Variants in RCAN1 observed in about 807,000 individuals in gnomAD.
The protein encoded by RCAN1 is regulator of calcineurin 1.
A neutral mutation model predicts 22.9 loss-of-function variants in RCAN1; 11 were observed. The ratio of observed to expected loss-of-function variants is 0.48; its 90% CI spans 0.30 to 0.79. The LOEUF is 0.79. Ranked by LOEUF, RCAN1 falls within the 30% of genes least tolerant of loss-of-function variation. The pLI, the probability that RCAN1 is intolerant of heterozygous loss-of-function variation, is 0.06. For missense variants in RCAN1, 291 were observed against 337.8 expected, an observed-to-expected ratio of 0.86 and a Z score of 1.09; for synonymous variants, 136 against 142.3, an observed-to-expected ratio of 0.96 and a Z score of 0.32.
rs1429256071 is a variant in RCAN1 at position 34,531,971 on chromosome 21, C to G, written c.253-8261G>C. 3.3e-5 allele frequency among the ~76,000 whole-genome samples: 5 copies of G among 152,046 alleles called. No individual in the cohort carries two copies. The East Asian group carries it at 9.6e-4, about 29-fold the overall frequency. On this transcript the variant is annotated intron_variant, in intron 1 of 3. Transcript: ENST00000313806. ...CAAGGCAGACTTTATTCAGGACCAC[C>G]ACGATGGGTATAGAGACCACCACAA...
chr21:34,535,849 G>A (rs1985641640), intron 1 of RCAN1, among the ~76,000 whole-genome samples: 1 of 149,474 alleles, frequency 6.7e-6, no homozygotes, highest in Admixed American at 6.6e-5. Context: ...TTAGCAGAAT[G>A]GTGATCATGA....
At chr21:34,544,740 A>G (rs557809597) in intron 1 of RCAN1, among the ~76,000 whole-genome samples, 7 of 152,304 alleles carry the variant, frequency 4.6e-5, no homozygotes, top group African/African-American at 9.6e-5. Context: ...CTGGTCCCCA[A>G]GATAGAAAGT....
At chr21:34,575,318 C>T (rs1987376929) in intron 1 of RCAN1, among the ~76,000 whole-genome samples, 1 of 152,138 alleles carries the variant, frequency 6.6e-6, no homozygotes, top group Non-Finnish European at 1.5e-5. Context: ...GCAGCATTTC[C>T]CACTTCCCTC....
At chr21:34,610,621 T>C (rs1156392309) in intron 1 of RCAN1, among the ~76,000 whole-genome samples, 1 of 152,220 alleles carries the variant, frequency 6.6e-6, no homozygotes, top group Non-Finnish European at 1.5e-5. Flanking sequence ...CAGACAATGG[T>C]TCCCAACCTC....
intron 1 of RCAN1, among the ~76,000 whole-genome samples, chr21:34,603,479 G>A (rs765713750): frequency 2.0e-5 from 3 of 152,118 alleles, no homozygotes; most frequent in Non-Finnish European, 2.9e-5. Context: ...AAAACCAGCA[G>A]GCTGCAAGAA....
At chr21:34,580,902 C>G (rs1296967980) in intron 1 of RCAN1, among the ~76,000 whole-genome samples, 1 of 152,128 alleles carries the variant, frequency 6.6e-6, no homozygotes, top group Non-Finnish European at 1.5e-5. Flanking sequence ...TGCTGTAAAT[C>G]AAGGCAAAGC....
chr21:34,591,280 G>A (rs1987965249), intron 1 of RCAN1, among the ~76,000 whole-genome samples: 1 of 152,194 alleles, frequency 6.6e-6, no homozygotes, highest in South Asian at 2.1e-4. Flanking sequence ...ACAACACAGT[G>A]TGCCCTCTGG....
intron 1 of RCAN1, among the ~76,000 whole-genome samples, chr21:34,594,395 T>C (rs962596769): frequency 6.6e-6 from 1 of 152,024 alleles, no homozygotes; most frequent in African/African-American, 2.4e-5. Context: ...CTACTAAAAA[T>C]ACAAGCATTA....
intron 3 of RCAN1, 76 bp downstream of exon 3, chr21:34,521,423 T>C (rs189755745): frequency 6.2e-7 from 1 of 1,608,182 alleles, no homozygotes; most frequent in Middle Eastern, 1.7e-4. Flanking sequence ...ACGGGGGTAG[T>C]GGTGGTACTG....
At chr21:34,525,660 T>C in intron 1 of RCAN1, 1 of 290,324 alleles carries the variant, frequency 3.4e-6, no homozygotes, top group Non-Finnish European at 6.3e-6. Flanking sequence ...TCTAGATTAC[T>C]ATGATGCCTT....
intron 1 of RCAN1, among the ~76,000 whole-genome samples, chr21:34,597,995 G>A (rs964609197): frequency 6.6e-6 from 1 of 152,002 alleles, no homozygotes; most frequent in Non-Finnish European, 1.5e-5. Context: ...AATAGATAGG[G>A]TCTATATAAA....
chr21:34,548,452 T>C (rs1448426499), intron 1 of RCAN1, among the ~76,000 whole-genome samples: 1 of 152,132 alleles, frequency 6.6e-6, no homozygotes, highest in Non-Finnish European at 1.5e-5. Flanking sequence ...CAGTGTCCTC[T>C]CAAACTGAGA....
rs1344056286 is a variant in RCAN1, at chr21:34,518,391, C to A, written c.587-135G>T. On this transcript the variant is annotated intron_variant, in intron 3 of 3. Transcript: ENST00000313806. The surrounding 1 kb of genome is among the most constrained non-coding windows in gnomAD (Gnocchi z 4.2). ...GATTGGGCTGAGAGACACAGCCAGA[C>A]ATATTTTGGGTTTGTATTTCTTTGC... is the stretch of plus-strand genomic sequence containing the variant. 4.5e-6 allele frequency: 4 copies of A among 895,084 alleles called. No individual in the cohort carries two copies. In the East Asian group the frequency reaches 1.1e-4, roughly 24 times the overall value. 55.4% of individuals were successfully genotyped at this position (895,084 alleles called of 1,614,324 possible).
At chr21:34,531,138 G>C (rs1193234588) in intron 1 of RCAN1, among the ~76,000 whole-genome samples, 2 of 152,248 alleles carry the variant, frequency 1.3e-5, no homozygotes, top group African/African-American at 4.8e-5. Flanking sequence ...TTCATCTAGT[G>C]ATGGTGGCAA....
intron 1 of RCAN1, among the ~76,000 whole-genome samples, chr21:34,596,461 G>T (rs905547691): frequency 6.6e-6 from 1 of 152,170 alleles, no homozygotes; most frequent in African/African-American, 2.4e-5. Context: ...AAGCAGGGCT[G>T]TGGCTCCTGC....
chr21:34,532,876 A>G (rs6517241), intron 1 of RCAN1, among the ~76,000 whole-genome samples: 139,564 of 152,184 alleles, frequency 0.92, 64,055 homozygotes, highest in Middle Eastern at 0.96. Flanking sequence ...GCAAATTCCA[A>G]CCCCCCACTG....
intron 1 of RCAN1, among the ~76,000 whole-genome samples, chr21:34,546,284 C>T (rs140728127): frequency 1.2e-3 from 188 of 152,248 alleles, no homozygotes; most frequent in African/African-American, 4.4e-3. Context: ...AGGCCAAGAA[C>T]TTACTAAACT....
intron 1 of RCAN1, among the ~76,000 whole-genome samples, chr21:34,532,457 C>T (rs1448203400): frequency 6.6e-6 from 1 of 152,234 alleles, no homozygotes; most frequent in African/African-American, 2.4e-5. Flanking sequence ...CAGTAGGTGA[C>T]CACCTATGTG....
chr21:34,592,461 G>C (rs1423726224), intron 1 of RCAN1, among the ~76,000 whole-genome samples: 1 of 152,186 alleles, frequency 6.6e-6, no homozygotes, highest in Non-Finnish European at 1.5e-5. Flanking sequence ...CTGGTCAGGA[G>C]GTGATTACAG....
Sources: allele counts gnomAD v4.1 joint callset (sites outside exome capture counted in the v4.1 genomes callset), GRCh38; gene constraint gnomAD v4.1.1; non-coding constraint Gnocchi (gnomAD v3.1); transcripts MANE v1.5; gene names NCBI Gene and HGNC (gene_info 2026-07-23, HGNC 2026-07-21).